Variants in AUTS2 observed in about 807,000 individuals in gnomAD.
AUTS2 encodes the protein autism susceptibility gene 2 protein.
A neutral mutation model predicts 112.4 loss-of-function variants in AUTS2; 17 were observed. The ratio of observed to expected loss-of-function variants is 0.15; its 90% CI spans 0.10 to 0.23. AUTS2 has a LOEUF of 0.23. AUTS2 is among the 10% of genes least tolerant of loss of function. AUTS2 has a pLI of 1.00. For missense variants in AUTS2, 1,510 were observed against 1,701.6 expected, an observed-to-expected ratio of 0.89 and a Z score of 1.98; for synonymous variants, 751 against 702.7, an observed-to-expected ratio of 1.07 and a Z score of -1.09.
chr7:69,797,193 A>T (rs1039230836), intron 1 of AUTS2, among the ~76,000 whole-genome samples: 4 of 152,148 alleles, frequency 2.6e-5, no homozygotes, highest in Admixed American at 6.5e-5. Context: ...GCAGGTGGGT[A>T]GTATTACGCA....
intron 1 of AUTS2, among the ~76,000 whole-genome samples, chr7:69,803,172 C>A (rs1790158185): frequency 6.6e-6 from 1 of 152,190 alleles, no homozygotes; most frequent in South Asian, 2.1e-4. Flanking sequence ...TAAATACCTG[C>A]ATTTCATAGT....
chr7:69,742,388 T>C (rs946139076), intron 1 of AUTS2, among the ~76,000 whole-genome samples: 2 of 152,152 alleles, frequency 1.3e-5, no homozygotes, highest in Non-Finnish European at 2.9e-5. Context: ...CTTGTAGGTT[T>C]GTTGTGAAGA....
intron 5 of AUTS2, among the ~76,000 whole-genome samples, chr7:70,479,588 G>T (rs529708186): frequency 2.6e-5 from 4 of 151,882 alleles, no homozygotes; most frequent in African/African-American, 9.7e-5. Context: ...TGGATTTTCC[G>T]TTCACCAGCA....
intron 2 of AUTS2, among the ~76,000 whole-genome samples, chr7:70,027,116 G>A (rs1023469248): frequency 1.3e-5 from 2 of 152,024 alleles, no homozygotes; most frequent in Admixed American, 6.6e-5. Flanking sequence ...AGGTATGCTC[G>A]GCTAAGGTCA....
chr7:70,597,749 A>G (rs1859530), intron 5 of AUTS2, among the ~76,000 whole-genome samples: 16,192 of 152,184 alleles, frequency 0.11, 1,348 homozygotes, highest in African/African-American at 0.22. Context: ...GGATGCACAT[A>G]TTTATTTCCA....
At chr7:70,675,713 T>C (rs80237739) in intron 5 of AUTS2, among the ~76,000 whole-genome samples, 2,864 of 152,286 alleles carry the variant, frequency 0.019, 42 homozygotes, top group Non-Finnish European at 0.033. Flanking sequence ...ATGAGGCACT[T>C]GGCAGGGACA....
Position 69,899,362 on chromosome 7 carries a change from T to G in AUTS2, c.386T>G (p.Leu129Arg). The G allele has an allele frequency of 6.2e-7, 1 of 1,614,026 alleles. No individual in the cohort carries two copies. The highest frequency in any genetic ancestry group is 8.5e-7 in the Non-Finnish European group (1 of 1,179,958). ...CTGACCAAGAAGAAACGAGAAGCAC[T>G]TACCAATGGCTTGTCCTTTCATTCA... Reference protein sequence around the residue: ...TPLTKKKREALTNGLSFHSKK... With the variant: ...TPLTKKKREARTNGLSFHSKK... Residue 129 changes from leucine (L) to arginine (R), a missense_variant, in exon 2 of 19, where the codon CTT (leucine) becomes CGT (arginine). Transcript: ENST00000342771.
intron 2 of AUTS2, among the ~76,000 whole-genome samples, chr7:69,986,079 ACT>A (rs749459732): frequency 2.0e-5 from 3 of 151,998 alleles, no homozygotes; most frequent in Non-Finnish European, 2.9e-5. Context: ...CTTATGTCTT[ACT>A]CTGTTATTGT....
intron 5 of AUTS2, among the ~76,000 whole-genome samples, chr7:70,496,782 G>GAC (rs1181915272): frequency 1.5e-5 from 1 of 65,600 alleles, no homozygotes. Flanking sequence ...TACACAGTCA[G>GAC]ACACACACAC....
At position 70,571,329 on chromosome 7, in the gene AUTS2, A is replaced by G. The variant is rs60806483; in HGVS notation, c.691-127240A>G. On this transcript the variant is annotated intron_variant, in intron 5 of 18. Coordinates refer to ENST00000342771, the MANE Select transcript of AUTS2 (RefSeq NM_015570.4). ...TAGGTTGTTGGGAGGATCAAAGAAG[A>G]AAAAAGGGAAGTAAAGTGCCTAACA... Among the ~76,000 whole-genome samples, 1,338 of 152,290 alleles carry G rather than the reference A, an allele frequency of 8.8e-3. 20 individuals carry two copies. The highest frequency in any genetic ancestry group is 0.03 in the African/African-American group (1,259 of 41,548).
chr7:69,970,495 T>C (rs2129547938), intron 2 of AUTS2, among the ~76,000 whole-genome samples: 1 of 152,336 alleles, frequency 6.6e-6, no homozygotes, highest in East Asian at 1.9e-4. Context: ...AAGGCATCCC[T>C]ATCCAGCCAG....
At chr7:70,300,600 T>G (rs1289210253) in intron 4 of AUTS2, among the ~76,000 whole-genome samples, 1 of 152,162 alleles carries the variant, frequency 6.6e-6, no homozygotes, top group Non-Finnish European at 1.5e-5. Flanking sequence ...AGAACACATC[T>G]TTTTGAGAAT....
At position 70,539,885 on chromosome 7, in the gene AUTS2, G is replaced by A. The variant is rs538496788; in HGVS notation, c.690+104104G>A. 3.9e-5 allele frequency among the ~76,000 whole-genome samples: 6 copies of A among 152,294 alleles called. No homozygotes were observed. The South Asian group carries it at 1.2e-3, about 32-fold the overall frequency. ...CAGCGCTGCCCGCCTGTTCTGTGGGGGTTGGCACAGGGATGGGCTCCTCTC... is the reference window on the plus strand; with the variant it reads ...CAGCGCTGCCCGCCTGTTCTGTGGGAGTTGGCACAGGGATGGGCTCCTCTC... On this transcript the variant is annotated intron_variant, in intron 5 of 18. Transcript: ENST00000342771.
intron 4 of AUTS2, among the ~76,000 whole-genome samples, chr7:70,238,753 C>T (rs116731356): frequency 3.0e-4 from 45 of 152,082 alleles, no homozygotes; most frequent in African/African-American, 1.1e-3. Flanking sequence ...TAGCTTTTCT[C>T]TTACAATCCC....
intron 5 of AUTS2, among the ~76,000 whole-genome samples, chr7:70,495,464 A>C (rs549215724): frequency 6.6e-6 from 1 of 152,000 alleles, no homozygotes; most frequent in Non-Finnish European, 1.5e-5. Context: ...ACAGTCTCCT[A>C]GAGTGAGGTT....
At chr7:70,564,317 A>G (rs1378572903) in intron 5 of AUTS2, among the ~76,000 whole-genome samples, 1 of 152,228 alleles carries the variant, frequency 6.6e-6, no homozygotes, top group Non-Finnish European at 1.5e-5. Flanking sequence ...GGTCACCAAC[A>G]GATTGTACAT....
intron 4 of AUTS2, among the ~76,000 whole-genome samples, chr7:70,164,763 C>T (rs1194226150): frequency 1.3e-5 from 2 of 151,894 alleles, no homozygotes; most frequent in Non-Finnish European, 2.9e-5. Context: ...TTACCCATTT[C>T]CAGGTAGAAA....
chr7:70,211,860 T>C (rs1420591789), intron 4 of AUTS2, among the ~76,000 whole-genome samples: 15 of 140,792 alleles, frequency 1.1e-4, no homozygotes, highest in East Asian at 6.7e-4. Context: ...ATGGCGGGCG[T>C]CTGTAGTCCC....
intron 4 of AUTS2, among the ~76,000 whole-genome samples, chr7:70,163,310 A>G (rs543917847): frequency 5.0e-4 from 60 of 120,604 alleles, no homozygotes; most frequent in African/African-American, 1.4e-3. Flanking sequence ...TGCTAGGCAC[A>G]TTCATACCAA....
Sources: allele counts gnomAD v4.1 joint callset (sites outside exome capture counted in the v4.1 genomes callset), GRCh38; gene constraint gnomAD v4.1.1; transcripts MANE v1.5; gene names NCBI Gene and HGNC (gene_info 2026-07-23, HGNC 2026-07-21).